Variants in CDIN1 observed in about 807,000 individuals in gnomAD.
CDIN1 encodes the protein CDAN1 interacting nuclease 1, also known as CDAN1-interacting nuclease 1.
Under a neutral mutation model 45.3 loss-of-function variants are expected in CDIN1, and 33 were observed. That is an observed-to-expected ratio of 0.73 (90% CI 0.55 to 0.97). CDIN1 has a LOEUF of 0.97. Among genes scored for constraint, CDIN1 ranks in the 50% least tolerant of loss-of-function variants. CDIN1 has a pLI of 0.00. For synonymous variants in CDIN1, 118 were observed against 124.4 expected, an observed-to-expected ratio of 0.95 and a Z score of 0.34; for missense variants, 303 against 339.4, an observed-to-expected ratio of 0.89 and a Z score of 0.84.
intron 1 of CDIN1, among the ~76,000 whole-genome samples, chr15:36,621,696 T>C (rs1400647438): frequency 6.6e-6 from 1 of 152,194 alleles, no homozygotes; most frequent in Non-Finnish European, 1.5e-5. Flanking sequence ...TTTGAATGCA[T>C]TGGATTTCAG....
intron 10 of CDIN1, among the ~76,000 whole-genome samples, chr15:36,749,365 A>G (rs943244364): frequency 2.6e-5 from 4 of 152,222 alleles, no homozygotes; most frequent in African/African-American, 9.6e-5. Flanking sequence ...CTGGTGACTT[A>G]AAAATAATGC....
chr15:36,683,180 AG>A (rs2041916886), intron 5 of CDIN1, among the ~76,000 whole-genome samples: 1 of 152,158 alleles, frequency 6.6e-6, no homozygotes, highest in Non-Finnish European at 1.5e-5. Flanking sequence ...GGTATTGCCT[AG>A]GTTTTCTTCT....
At chr15:36,722,884 C>T (rs1406248941) in intron 10 of CDIN1, among the ~76,000 whole-genome samples, 1 of 151,918 alleles carries the variant, frequency 6.6e-6, no homozygotes, top group Non-Finnish European at 1.5e-5. Flanking sequence ...CTCTGGAAGT[C>T]AAATTCTTAT....
intron 5 of CDIN1, among the ~76,000 whole-genome samples, chr15:36,666,369 G>A (rs960478998): frequency 6.6e-6 from 1 of 152,126 alleles, no homozygotes; most frequent in African/African-American, 2.4e-5. Context: ...TTGATTAGCC[G>A]CTAAACCTAG....
intron 10 of CDIN1, among the ~76,000 whole-genome samples, chr15:36,738,302 A>G (rs1341422844): frequency 1.3e-5 from 2 of 152,160 alleles, no homozygotes; most frequent in East Asian, 1.9e-4. Context: ...GCGTAGCCAT[A>G]TCTGAATTCC....
chr15:36,626,039 T>C (rs2039408509), intron 1 of CDIN1, among the ~76,000 whole-genome samples: 1 of 151,944 alleles, frequency 6.6e-6, no homozygotes, highest in Non-Finnish European at 1.5e-5. Flanking sequence ...GTATTTTGTA[T>C]TGGGTACATC....
At chr15:36,781,338 T>C (rs1177064224) in intron 10 of CDIN1, among the ~76,000 whole-genome samples, 1 of 152,166 alleles carries the variant, frequency 6.6e-6, no homozygotes, top group Non-Finnish European at 1.5e-5. Context: ...AGCAAGACCT[T>C]AGGCATTATC....
In CDIN1 at chr15:36,697,312, A is replaced by C; in HGVS notation, c.477-11A>C. 3 of 1,612,420 alleles carry C rather than the reference A, an allele frequency of 1.9e-6. No homozygotes were observed. Among genetic ancestry groups the C allele is most frequent in the Non-Finnish European group, 2.5e-6 (3 of 1,179,194 alleles). On this transcript the variant is annotated splice_polypyrimidine_tract_variant and intron_variant, in intron 7 of 10. Coordinates refer to ENST00000566621, the MANE Select transcript of CDIN1 (RefSeq NM_001321759.2). ...TCTGCCTGTGTTACCCCCTTAACTG[A>C]AACTTCCCAGTGCCATTGGTCATGA...
intron 1 of CDIN1, among the ~76,000 whole-genome samples, chr15:36,638,158 A>G (rs545174768): frequency 1.8e-4 from 28 of 152,376 alleles, no homozygotes; most frequent in African/African-American, 5.8e-4. Context: ...AGTATCTTAT[A>G]TAATGAAAGC....
intron 7 of CDIN1, among the ~76,000 whole-genome samples, chr15:36,694,670 G>C (rs2042363119): frequency 6.6e-6 from 1 of 152,076 alleles, no homozygotes; most frequent in African/African-American, 2.4e-5. Flanking sequence ...AAAAATGTGA[G>C]AAACCAGCCA....
chr15:36,765,542 C>T (rs2053899108), intron 10 of CDIN1, among the ~76,000 whole-genome samples: 1 of 152,156 alleles, frequency 6.6e-6, no homozygotes, highest in Admixed American at 6.5e-5. Flanking sequence ...GGCCTTCTAA[C>T]TCTGGGGCCA....
intron 1 of CDIN1, among the ~76,000 whole-genome samples, chr15:36,635,963 G>T (rs576674119): frequency 6.6e-6 from 1 of 152,002 alleles, no homozygotes; most frequent in Admixed American, 6.6e-5. Flanking sequence ...AAGAAACAGA[G>T]GATACAGTAG....
intron 1 of CDIN1, among the ~76,000 whole-genome samples, chr15:36,637,885 C>G (rs1011086050): frequency 6.6e-6 from 1 of 151,966 alleles, no homozygotes; most frequent in Non-Finnish European, 1.5e-5. Context: ...CCTGTAGAAC[C>G]TAAGGGACAT....
At position 36,754,428 on chromosome 15, in the gene CDIN1, G is replaced by A. The variant is rs2053554064; in HGVS notation, c.716+44467G>A. ...GAGAACAAACAGGATTGCTTATGCA[G>A]TAGGAAAGTGCACAGTATTCAGAAG... is the stretch of plus-strand genomic sequence containing the variant. On this transcript the variant is annotated intron_variant, in intron 10 of 10. Coordinates refer to ENST00000566621, the MANE Select transcript of CDIN1 (RefSeq NM_001321759.2). 2.6e-5 allele frequency among the ~76,000 whole-genome samples: 4 copies of A among 152,098 alleles called. No homozygotes were observed. In the South Asian group the frequency reaches 8.3e-4, roughly 32 times the overall value.
chr15:36,649,929 G>A (rs1026376730), intron 3 of CDIN1, among the ~76,000 whole-genome samples: 3 of 152,188 alleles, frequency 2.0e-5, no homozygotes, highest in African/African-American at 7.2e-5. Flanking sequence ...CATTGTAAAT[G>A]GGGCATAATG....
At chr15:36,703,879 A>G (rs1428677542) in intron 8 of CDIN1, among the ~76,000 whole-genome samples, 1 of 152,182 alleles carries the variant, frequency 6.6e-6, no homozygotes, top group East Asian at 1.9e-4. Context: ...GACAAAGGCT[A>G]ACAGTCAATC....
At chr15:36,686,928 AAAGG>A (rs917065716) in intron 5 of CDIN1, among the ~76,000 whole-genome samples, 7 of 143,436 alleles carry the variant, frequency 4.9e-5, no homozygotes, top group South Asian at 2.3e-4. Flanking sequence ...GGAAGGAAGA[AAAGG>A]AAGGAAGGAA....
At chr15:36,635,062 T>C (rs1285364723) in intron 1 of CDIN1, among the ~76,000 whole-genome samples, 1 of 152,152 alleles carries the variant, frequency 6.6e-6, no homozygotes, top group Non-Finnish European at 1.5e-5. Flanking sequence ...AGATGAGGGC[T>C]TGCCAAAGAT....
At position 36,686,893 on chromosome 15, in the gene CDIN1, G is replaced by A. The variant is rs533496616; in HGVS notation, c.347-4792G>A. ...GAGGAAAGATGGAGGGAGGGTGGGA[G>A]AGAGAGAGGGAGGGAGAGAGGGAAG... On this transcript the variant is annotated intron_variant, in intron 5 of 10. Coordinates refer to ENST00000566621, the MANE Select transcript of CDIN1 (RefSeq NM_001321759.2). Among the ~76,000 whole-genome samples, 232 of 124,390 alleles carry A rather than the reference G, an allele frequency of 1.9e-3. 1 individual carries two copies. The highest frequency in any genetic ancestry group is 6.5e-3 in the African/African-American group (214 of 32,718). 81.6% of individuals were successfully genotyped at this position (124,390 alleles called of 152,430 possible).
Sources: allele counts gnomAD v4.1 joint callset (sites outside exome capture counted in the v4.1 genomes callset), GRCh38; gene constraint gnomAD v4.1.1; transcripts MANE v1.5; gene names NCBI Gene and HGNC (gene_info 2026-07-23, HGNC 2026-07-21).